The following NDUFA12 variants were observed in gnomAD, a reference collection of about 807,000 sequenced individuals.
NDUFA12 encodes NADH dehydrogenase [ubiquinone] 1 alpha subcomplex subunit 12.
NDUFA12 carries 17 observed loss-of-function variants against 20.3 expected under a neutral mutation model. That is an observed-to-expected ratio of 0.84 (90% CI 0.57 to 1.26). The LOEUF is 1.26. NDUFA12 is among the 50% of genes most tolerant of loss of function. NDUFA12 has a pLI of 0.00. For missense variants in NDUFA12, 191 were observed against 183.7 expected, an observed-to-expected ratio of 1.04 and a Z score of -0.23; for synonymous variants, 72 against 63.6, an observed-to-expected ratio of 1.13 and a Z score of -0.63.
chr12:94,982,298 C>A (rs895764790), intron 3 of NDUFA12, among the ~76,000 whole-genome samples: 1 of 143,360 alleles, frequency 7.0e-6, no homozygotes, highest in African/African-American at 2.6e-5. Context: ...TTTTTTGAGA[C>A]AGAGTCTCTC....
At position 95,003,048 on chromosome 12, in the gene NDUFA12, A is replaced by C. The variant is rs574375433; in HGVS notation, c.87-227T>G. Among the ~76,000 whole-genome samples, 4 of 152,352 alleles carry C rather than the reference A, an allele frequency of 2.6e-5. No homozygotes were observed. The East Asian group carries it at 5.8e-4, about 22-fold the overall frequency. ...GATTACAGGACTACTTGTATCTACT[A>C]TCCCTCAGCCAGGAGGCACTGGAAT... On this transcript the variant is annotated intron_variant, in intron 1 of 3. Coordinates refer to ENST00000327772, the MANE Select transcript of NDUFA12 (RefSeq NM_018838.5).
At chr12:94,982,446 T>C (rs994675398) in intron 3 of NDUFA12, among the ~76,000 whole-genome samples, 9 of 152,056 alleles carry the variant, frequency 5.9e-5, no homozygotes, top group Admixed American at 2.0e-4. Context: ...GCTAATTTTT[T>C]TTTGTAGTTT....
Position 94,971,640 on chromosome 12 carries a change from C to T in NDUFA12, c.258-20G>A, listed in dbSNP as rs373893233. On this transcript the variant is annotated intron_variant, in intron 3 of 3. Coordinates refer to ENST00000327772, the MANE Select transcript of NDUFA12 (RefSeq NM_018838.5). ...CGATGCCTTAAAGAGGGGAAAAAACCCAAACAGTTATGAAGAGGCAGTACA... is the reference window on the plus strand; with the variant it reads ...CGATGCCTTAAAGAGGGGAAAAAACTCAAACAGTTATGAAGAGGCAGTACA... 2 of 1,613,708 alleles carry T rather than the reference C, an allele frequency of 1.2e-6. No homozygotes were observed. The highest frequency in any genetic ancestry group is 4.5e-5 in the East Asian group (2 of 44,874).
intron 2 of NDUFA12, among the ~76,000 whole-genome samples, chr12:94,994,547 G>A (rs1001669325): frequency 1.3e-5 from 2 of 152,232 alleles, no homozygotes; most frequent in Non-Finnish European, 2.9e-5. Context: ...GCTCCCCACA[G>A]AGGGAGTAGC....
At chr12:94,999,695 T>A (rs535007872) in intron 2 of NDUFA12, among the ~76,000 whole-genome samples, 1 of 152,072 alleles carries the variant, frequency 6.6e-6, no homozygotes, top group Non-Finnish European at 1.5e-5. Flanking sequence ...AAAGAAGATA[T>A]ACAAACAGTC....
chr12:94,986,085 CTAAATAAATAAA>C (rs57582405), intron 3 of NDUFA12, among the ~76,000 whole-genome samples: 7 of 136,174 alleles, frequency 5.1e-5, no homozygotes, highest in Admixed American at 1.6e-4. Context: ...AACTCTGTCT[CTAAATAAATAAA>C]TAAATAAATA....
intron 3 of NDUFA12, among the ~76,000 whole-genome samples, chr12:94,991,144 GGC>G (rs1368458575): frequency 1.3e-5 from 2 of 151,850 alleles, no homozygotes; most frequent in Non-Finnish European, 2.9e-5. Context: ...AAATTAGCTG[GGC>G]ATGGTGCCAC....
intron 2 of NDUFA12, among the ~76,000 whole-genome samples, chr12:94,995,783 T>A (rs1272095673): frequency 6.6e-6 from 1 of 152,166 alleles, no homozygotes; most frequent in African/African-American, 2.4e-5. Context: ...AGTAGCATCA[T>A]TCCTAATAGC....
intron 2 of NDUFA12, among the ~76,000 whole-genome samples, chr12:94,998,830 T>C (rs1023863694): frequency 1.3e-5 from 2 of 152,152 alleles, no homozygotes; most frequent in African/African-American, 2.4e-5. Context: ...AAAGAAATCA[T>C]AGATGACACA....
intron 3 of NDUFA12, among the ~76,000 whole-genome samples, chr12:94,984,750 A>T (rs1874360621): frequency 1.4e-5 from 2 of 143,786 alleles, no homozygotes; most frequent in East Asian, 2.0e-4. Context: ...ATATATATAT[A>T]ATATATATAT....
chr12:94,993,245 TTGAGAGG>T, intron 3 of NDUFA12, among the ~76,000 whole-genome samples: 1 of 90,234 alleles, frequency 1.1e-5, no homozygotes, highest in East Asian at 4.7e-4. Context: ...TCCCAGCACT[TTGAGAGG>T]CCGAGGTGGG....
intron 3 of NDUFA12, among the ~76,000 whole-genome samples, chr12:94,993,624 CAAAAAAAAAAAAAAAAAA>C (rs61481976): frequency 8.8e-5 from 1 of 11,350 alleles, no homozygotes; most frequent in African/African-American, 3.6e-4. Flanking sequence ...GACTCTGTCT[CAAAAAAAAAAAAAAAAAA>C]AAAAAAAAAA....
intron 3 of NDUFA12, among the ~76,000 whole-genome samples, chr12:94,988,783 G>A (rs917357457): frequency 1.3e-5 from 2 of 152,108 alleles, no homozygotes; most frequent in African/African-American, 4.8e-5. Flanking sequence ...ATCCTCATTT[G>A]GTGCTAACGC....
At chr12:94,978,428 T>G (rs922314994) in intron 3 of NDUFA12, among the ~76,000 whole-genome samples, 1 of 152,154 alleles carries the variant, frequency 6.6e-6, no homozygotes, top group Non-Finnish European at 1.5e-5. Context: ...CATTAGAGAA[T>G]TAGACTGGGG....
At chr12:94,986,000 G>A (rs11615445) in intron 3 of NDUFA12, among the ~76,000 whole-genome samples, 11,036 of 151,984 alleles carry the variant, frequency 0.073, 476 homozygotes, top group Middle Eastern at 0.18. Context: ...CAGGAGAATC[G>A]CTTGAACCCG....
In NDUFA12 at chr12:94,971,576, TTTG is replaced by T. The variant is rs775064139; in HGVS notation, c.299_301del (p.Thr100del). 1.2e-6 allele frequency: 2 copies of T among 1,614,042 alleles called. No individual in the cohort carries two copies. The highest frequency in any genetic ancestry group is 2.7e-5 in the African/African-American group (2 of 74,932). ...AATGAATTTACGAGCAGTAAGTGGT[TTTG>T]TTGTTGGAGGATCATCAGTCATACT... On this transcript the variant is annotated inframe_deletion, in exon 4 of 4. Coordinates refer to ENST00000327772, the MANE Select transcript of NDUFA12 (RefSeq NM_018838.5).
chr12:95,001,440 C>T (rs1041091535), intron 2 of NDUFA12, among the ~76,000 whole-genome samples: 7 of 151,964 alleles, frequency 4.6e-5, no homozygotes, highest in African/African-American at 1.7e-4. Flanking sequence ...AGAAACATAG[C>T]AAGACCTCGT....
chr12:94,978,505 A>G (rs1874132612), intron 3 of NDUFA12, among the ~76,000 whole-genome samples: 1 of 152,200 alleles, frequency 6.6e-6, no homozygotes, highest in Non-Finnish European at 1.5e-5. Flanking sequence ...ATTTTGCTTG[A>G]TAGGTTAATC....
chr12:94,979,334 T>C (rs533221024), intron 3 of NDUFA12, among the ~76,000 whole-genome samples: 16 of 152,332 alleles, frequency 1.1e-4, no homozygotes, highest in Non-Finnish European at 2.2e-4. Context: ...GTATTGCTTC[T>C]GGGCCAAAGA....
Sources: allele counts gnomAD v4.1 joint callset (sites outside exome capture counted in the v4.1 genomes callset), GRCh38; gene constraint gnomAD v4.1.1; transcripts MANE v1.5; gene names NCBI Gene and HGNC (gene_info 2026-07-23, HGNC 2026-07-21).